Variants in FAM185A observed in about 807,000 individuals in gnomAD.
FAM185A encodes the protein family with sequence similarity 185 member A.
Under a neutral mutation model 45.7 loss-of-function variants are expected in FAM185A, and 21 were observed. That is an observed-to-expected ratio of 0.46 (90% CI 0.33 to 0.66). The LOEUF (loss-of-function observed/expected upper bound fraction) is 0.66. Among genes scored for constraint, FAM185A ranks in the 30% least tolerant of loss-of-function variants. FAM185A has a pLI of 0.03. For missense variants in FAM185A, 305 were observed against 485.4 expected, an observed-to-expected ratio of 0.63 and a Z score of 3.49; for synonymous variants, 117 against 194.0, an observed-to-expected ratio of 0.60 and a Z score of 3.30.
chr7:102,773,224 A>ACTATGCCT (rs1794861243), intron 5 of FAM185A, among the ~76,000 whole-genome samples: 1 of 149,862 alleles, frequency 6.7e-6, no homozygotes, highest in Admixed American at 6.7e-5. Context: ...TTTCAAGGGA[A>ACTATGCCT]AGAAGGCTGG....
At chr7:102,821,482 CT>C in the FAM185A span, among the ~76,000 whole-genome samples, 1 of 152,230 alleles carries the variant, frequency 6.6e-6, no homozygotes, top group Non-Finnish European at 1.5e-5. Flanking sequence ...GAAAGTTCCT[CT>C]GTGAAATCTA....
chr7:102,808,463 A>T lies in FAM185A; in HGVS notation c.*61A>T. 9.9e-7 allele frequency: 1 copy of T among 1,007,762 alleles called. No homozygotes were observed. The highest frequency in any genetic ancestry group is 1.4e-5 in the South Asian group (1 of 72,316). 62.4% of individuals were successfully genotyped at this position (1,007,762 alleles called of 1,614,324 possible). On this transcript the variant is annotated 3_prime_UTR_variant, in exon 8 of 8. Transcript: ENST00000413034. ...GATTCGCAGATCTGTGACTACAAAA[A>T]TGTAAATCCCACCATTCATATAAAG...
chr7:102,839,707 A>G, the FAM185A span, among the ~76,000 whole-genome samples: 1 of 152,112 alleles, frequency 6.6e-6, no homozygotes. Flanking sequence ...CAGCCTCCCA[A>G]AGTGCTGGGA....
the FAM185A span, among the ~76,000 whole-genome samples, chr7:102,834,081 G>GAAGGAAGGAAGGA: frequency 1.8e-4 from 15 of 84,982 alleles, no homozygotes; most frequent in East Asian, 1.4e-3. Context: ...AGGAAGGAAG[G>GAAGGAAGGAAGGA]AAAGAAAAGA....
the FAM185A span, chr7:102,822,465 G>C: frequency 6.7e-6 from 4 of 596,800 alleles, no homozygotes; most frequent in African/African-American, 5.5e-5. Context: ...GAGAGAGAGA[G>C]AGCTCTAGTC....
At chr7:102,774,649 G>A (rs1289054481) in intron 5 of FAM185A, among the ~76,000 whole-genome samples, 2 of 152,062 alleles carry the variant, frequency 1.3e-5, no homozygotes, top group East Asian at 1.9e-4. Context: ...TTCTTTGTTC[G>A]TGAATGAGTG....
intron 7 of FAM185A, among the ~76,000 whole-genome samples, chr7:102,789,488 C>T (rs1201587720): frequency 4.6e-5 from 7 of 152,168 alleles, no homozygotes; most frequent in Admixed American, 6.5e-5. Context: ...GCGGGCAGAT[C>T]GTTTGAGGTC....
At position 102,767,537 on chromosome 7, in the gene FAM185A, C is replaced by T. The variant is rs950461616; in HGVS notation, c.794-4872C>T. On this transcript the variant is annotated intron_variant, in intron 4 of 7. Coordinates refer to ENST00000413034, the MANE Select transcript of FAM185A (RefSeq NM_001145268.2). ...CTCTTTCACAAATGTCTCTATATTC[C>T]TTCTCTTTCCACCTCTGTGATAATT... Among the ~76,000 whole-genome samples, 4 of 150,654 alleles carry T rather than the reference C, an allele frequency of 2.7e-5. No homozygotes were observed. In the South Asian group the frequency reaches 8.4e-4, roughly 32 times the overall value.
chr7:102,791,041 AG>A (rs1796111453), intron 7 of FAM185A, among the ~76,000 whole-genome samples: 1 of 152,236 alleles, frequency 6.6e-6, no homozygotes, highest in South Asian at 2.1e-4. Flanking sequence ...GTGAGAACAC[AG>A]GGGTGAGGAA....
chr7:102,762,382 T>C (rs1794163155), intron 4 of FAM185A, among the ~76,000 whole-genome samples: 1 of 152,236 alleles, frequency 6.6e-6, no homozygotes, highest in South Asian at 2.1e-4. Context: ...ACAGAGCAGA[T>C]GATTCAAATC....
chr7:102,832,379 A>G, the FAM185A span, among the ~76,000 whole-genome samples: 1 of 152,202 alleles, frequency 6.6e-6, no homozygotes, highest in Non-Finnish European at 1.5e-5. Flanking sequence ...ATGAAGTTAT[A>G]TGTTGTTATA....
At chr7:102,822,402 A>G in the FAM185A span, 1 of 685,656 alleles carries the variant, frequency 1.5e-6, no homozygotes, top group Non-Finnish European at 2.7e-6. Flanking sequence ...GTGTCTTGGG[A>G]AGTCCCTCCT....
At chr7:102,806,485 G>C (rs1797119938) in intron 7 of FAM185A, among the ~76,000 whole-genome samples, 1 of 152,150 alleles carries the variant, frequency 6.6e-6, no homozygotes, top group South Asian at 2.1e-4. Context: ...TCGCCTGCCT[G>C]CTCATTTGCT....
intron 7 of FAM185A, among the ~76,000 whole-genome samples, chr7:102,802,446 G>A (rs1199005384): frequency 6.6e-6 from 1 of 152,070 alleles, no homozygotes; most frequent in African/African-American, 2.4e-5. Flanking sequence ...ATGATCACTG[G>A]GTCAAAAACA....
At chr7:102,750,926 T>C (rs1793327019) in intron 1 of FAM185A, among the ~76,000 whole-genome samples, 1 of 152,198 alleles carries the variant, frequency 6.6e-6, no homozygotes, top group Admixed American at 6.5e-5. Flanking sequence ...TTGGTTTTTT[T>C]TGAGACTGCA....
At chr7:102,815,353 T>C in the FAM185A span, among the ~76,000 whole-genome samples, 1 of 152,236 alleles carries the variant, frequency 6.6e-6, no homozygotes, top group Non-Finnish European at 1.5e-5. Context: ...AAGAGTTTAT[T>C]ACATTTCTTT....
chr7:102,797,258 A>G (rs562316388), intron 7 of FAM185A, among the ~76,000 whole-genome samples: 1 of 152,252 alleles, frequency 6.6e-6, no homozygotes, highest in Admixed American at 6.5e-5. Context: ...GTCAGGAGAT[A>G]GAGACCATAC....
chr7:102,813,732 C>G (rs1797615643), downstream of FAM185A, among the ~76,000 whole-genome samples: 1 of 152,134 alleles, frequency 6.6e-6, no homozygotes, highest in African/African-American at 2.4e-5. Flanking sequence ...TCTGATTCAG[C>G]CAGTTCAGAA....
At chr7:102,773,674 A>G (rs1584306776) in intron 5 of FAM185A, among the ~76,000 whole-genome samples, 1 of 152,162 alleles carries the variant, frequency 6.6e-6, no homozygotes, top group South Asian at 2.1e-4. Context: ...CTCATCAACA[A>G]TGTATGAGAA....
Sources: gnomAD v4.1 joint callset for allele counts (sites outside exome capture counted in the v4.1 genomes callset) on GRCh38, gnomAD v4.1.1 for gene constraint, MANE v1.5 for transcripts, NCBI Gene and HGNC (gene_info 2026-07-23, HGNC 2026-07-21) for gene names.